The following ZBED3 variants were observed in gnomAD, a reference collection of about 807,000 sequenced individuals.
The protein encoded by ZBED3 is zinc finger BED domain-containing protein 3.
For missense variants in ZBED3, 388 were observed against 362.9 expected (o/e 1.07, Z -0.56); for synonymous variants, 175 against 180.0 (o/e 0.97, Z 0.22).
intron 1 of ZBED3, chr5:77,080,338 G>T: frequency 2.4e-6 from 1 of 414,986 alleles, no homozygotes; most frequent in South Asian, 1.8e-5. Flanking sequence ...TCTGTTAGGA[G>T]TTAAAGTGGG....
At chr5:77,084,859 A>G (rs1202911939) in intron 1 of ZBED3, among the ~76,000 whole-genome samples, 2 of 152,244 alleles carry the variant, frequency 1.3e-5, no homozygotes, top group African/African-American at 4.8e-5. Flanking sequence ...CGAGGCTTCC[A>G]AGCTCCTATT....
rs1742960643 is a variant in ZBED3 at position 77,075,637 on chromosome 5, ATC to A, written c.*1535_*1536del. 1 of 152,022 alleles carries A rather than the reference ATC, an allele frequency of 6.6e-6. No individual in the cohort carries two copies. 9.4% of individuals were successfully genotyped at this position (152,022 alleles called of 1,614,324 possible). A position where few individuals can be genotyped will look rare whatever the true frequency, so the allele number is the denominator to read the frequency against. The stretch of plus-strand genomic sequence containing the variant: ...TATTCAATCCAAGTGGAGAGTATGT[ATC>A]TGAGTATTCATTGTGCTAGCCTTTC... On this transcript the variant is annotated 3_prime_UTR_variant, in exon 3 of 3. Transcript: ENST00000255198.
chr5:77,074,354 G>A lies in ZBED3; in HGVS notation c.*2820C>T, dbSNP rs1164784182. On this transcript the variant is annotated 3_prime_UTR_variant, in exon 3 of 3. Coordinates refer to ENST00000255198, the MANE Select transcript of ZBED3 (RefSeq NM_032367.4). Reference sequence around the variant, plus strand: ...AGGGACAGTTGGGGGAGACAAGGATGGGAAGATGCATGATAAATGGGCCCT... The same window carrying A: ...AGGGACAGTTGGGGGAGACAAGGATAGGAAGATGCATGATAAATGGGCCCT... 1 of 152,336 alleles carries A rather than the reference G, an allele frequency of 6.6e-6. No individual in the cohort carries two copies. Among genetic ancestry groups the A allele is most frequent in the African/African-American group, 2.4e-5 (1 of 41,446 alleles). 9.4% of individuals were successfully genotyped at this position (152,336 alleles called of 1,614,324 possible). A position where few individuals can be genotyped will look rare whatever the true frequency, so the allele number is the denominator to read the frequency against.
rs1743061026 is a variant in ZBED3, at chr5:77,077,994, A to G, written c.-17-99T>C. ...AAACCATGCCGCCCTCCATTTTCTT[A>G]CCGATGAAAAGCCTATAGTGTGTGT... On this transcript the variant is annotated intron_variant, in intron 2 of 2. Transcript: ENST00000255198. 9.3e-6 allele frequency: 8 copies of G among 858,952 alleles called. 1 individual carries two copies. In the Admixed American group the frequency reaches 3.1e-4, roughly 33 times the overall value. The allele number at this position is 858,952 out of a possible 1,614,324, so 53.2% of individuals were successfully genotyped here.
Position 77,076,878 on chromosome 5 carries a change from C to T in ZBED3, c.*296G>A. On this transcript the variant is annotated 3_prime_UTR_variant, in exon 3 of 3. Coordinates refer to ENST00000255198, the MANE Select transcript of ZBED3 (RefSeq NM_032367.4). ...CACTGGGTGGTCTGGGTTCACGGGG[C>T]TCCTGGAGCTCTCGGGTGTCCCGTG... is the stretch of plus-strand genomic sequence containing the variant. The T allele has an allele frequency of 4.0e-6, 1 of 247,536 alleles. No individual in the cohort carries two copies. The highest frequency in any genetic ancestry group is 7.3e-5 in the East Asian group (1 of 13,680). The allele number at this position is 247,536 out of a possible 1,614,324, so 15.3% of individuals were successfully genotyped here.
intron 1 of ZBED3, among the ~76,000 whole-genome samples, chr5:77,081,797 C>CT (rs1320227173): frequency 6.6e-6 from 1 of 152,178 alleles, no homozygotes; most frequent in Non-Finnish European, 1.5e-5. Context: ...CCATCCAACT[C>CT]TCATTCAAAT....
chr5:77,083,909 G>C (rs115285437), intron 1 of ZBED3, among the ~76,000 whole-genome samples: 2,550 of 152,274 alleles, frequency 0.017, 65 homozygotes, highest in African/African-American at 0.057. Flanking sequence ...GTGATAACGC[G>C]TTTCTTCCTT....
chr5:77,075,966 T>C lies in ZBED3; in HGVS notation c.*1208A>G, dbSNP rs1235411802. ...ATACATATATATATATATATATATA[T>C]GTATATGTATATATGTATATATATA... is the stretch of plus-strand genomic sequence containing the variant. On this transcript the variant is annotated 3_prime_UTR_variant, in exon 3 of 3. Coordinates refer to ENST00000255198, the MANE Select transcript of ZBED3 (RefSeq NM_032367.4). 2 of 14,144 alleles carry C rather than the reference T, an allele frequency of 1.4e-4. No individual in the cohort carries two copies. Among genetic ancestry groups the C allele is most frequent in the African/African-American group, 3.1e-4 (1 of 3,228 alleles). 0.9% of individuals were successfully genotyped at this position (14,144 alleles called of 1,614,324 possible). A position where few individuals can be genotyped will look rare whatever the true frequency, so the allele number is the denominator to read the frequency against.
Position 77,077,712 on chromosome 5 carries a change from G to T in ZBED3, c.167C>A (p.Pro56Gln). ...GCCCGACGGATGCCCGGGGCGCCCC[G>T]GCGCCAGGTGGAAGTAGCCCCAGGC... ...SEAWGYFHLA[P>Q]GRPGHPSGHW... The change falls in exon 3 of 3, where the codon CCG (proline) becomes CAG (glutamine). Residue 56 changes from proline to glutamine, a missense_variant. Transcript: ENST00000255198. 2 of 1,348,116 alleles carry T rather than the reference G, an allele frequency of 1.5e-6. No individual in the cohort carries two copies. Among genetic ancestry groups the T allele is most frequent in the Non-Finnish European group, 1.9e-6 (2 of 1,055,142 alleles). The allele number at this position is 1,348,116 out of a possible 1,614,324, so 83.5% of individuals were successfully genotyped here.
Position 77,077,464 on chromosome 5 carries a change from G to C in ZBED3, c.415C>G (p.Leu139Val). The C allele has an allele frequency of 7.5e-6, 9 of 1,208,016 alleles. No homozygotes were observed. The highest frequency in any genetic ancestry group is 1.6e-5 in the African/African-American group (1 of 62,442). The allele number at this position is 1,208,016 out of a possible 1,614,324, so 74.8% of individuals were successfully genotyped here. ...WARLLEQMGALAVRGSRRERE... is the reference protein window; with the variant it reads ...WARLLEQMGAVAVRGSRRERE... ...TCCCGCCGGCTGCCGCGCACGGCCAGCGCGCCCATCTGTTCCAGCAGGCGC... is the reference window on the plus strand; with the variant it reads ...TCCCGCCGGCTGCCGCGCACGGCCACCGCGCCCATCTGTTCCAGCAGGCGC... Residue 139 changes from leucine to valine, a missense_variant, in exon 3 of 3, where the codon CTG (leucine) becomes GTG (valine). Coordinates refer to ENST00000255198, the MANE Select transcript of ZBED3 (RefSeq NM_032367.4).
rs1367509558 is a variant in ZBED3 at position 77,077,645 on chromosome 5, G to T, written c.234C>A (p.Arg78=). Residue 78 remains arginine, a synonymous_variant, in exon 3 of 3, where the codon CGC becomes CGA. Coordinates refer to ENST00000255198, the MANE Select transcript of ZBED3 (RefSeq NM_032367.4). The part of the protein sequence containing the change: ...TCRLCGEQVG[R]GPGFHAGTSA... ...AGGTCCCCGCGTGGAAGCCCGGGCC[G>T]CGGCCCACCTGCTCCCCGCACAGAC... 1 of 1,410,082 alleles carries T rather than the reference G, an allele frequency of 7.1e-7. No individual in the cohort carries two copies. The highest frequency in any genetic ancestry group is 1.5e-5 in the South Asian group (1 of 67,936). 87.3% of individuals were successfully genotyped at this position (1,410,082 alleles called of 1,614,324 possible).
chr5:77,078,539 A>G (rs1445311995), intron 2 of ZBED3, 55 bp downstream of exon 2: 1 of 152,274 alleles, frequency 6.6e-6, no homozygotes, highest in East Asian at 1.9e-4. Flanking sequence ...CAATGCTTTT[A>G]AGATATGCAC....
chr5:77,078,887 CT>C (rs1291604992), intron 1 of ZBED3, among the ~76,000 whole-genome samples, 159 bp from the exon 2 acceptor site: 1 of 152,176 alleles, frequency 6.6e-6, no homozygotes, highest in African/African-American at 2.4e-5. Flanking sequence ...AATTAGTTTT[CT>C]TTATTGTTTG....
Position 77,076,826 on chromosome 5 carries a change from C to G in ZBED3, c.*348G>C, listed in dbSNP as rs1183086915. 1 of 199,214 alleles carries G rather than the reference C, an allele frequency of 5.0e-6. No homozygotes were observed. Among genetic ancestry groups the G allele is most frequent in the African/African-American group, 2.3e-5 (1 of 43,038 alleles). The allele number at this position is 199,214 out of a possible 1,614,324, so 12.3% of individuals were successfully genotyped here. A position where few individuals can be genotyped will look rare whatever the true frequency, so the allele number is the denominator to read the frequency against. Reference sequence around the variant, plus strand: ...TCTATCCTTTCAAAGTCACCAGGTTCGGGTTCCCAGCCCTAAGTGGCCATG... The same window carrying G: ...TCTATCCTTTCAAAGTCACCAGGTTGGGGTTCCCAGCCCTAAGTGGCCATG... On this transcript the variant is annotated 3_prime_UTR_variant, in exon 3 of 3. Coordinates refer to ENST00000255198, the MANE Select transcript of ZBED3 (RefSeq NM_032367.4).
In ZBED3 at chr5:77,083,622, C is replaced by T. The variant is rs75004513; in HGVS notation, c.-153+3489G>A. Among the ~76,000 whole-genome samples the T allele has an allele frequency of 5.8e-3, 879 of 152,186 alleles. 6 individuals are homozygous for T. Among genetic ancestry groups the T allele is most frequent in the African/African-American group, 0.017 (693 of 41,510 alleles). On this transcript the variant is annotated intron_variant, in intron 1 of 2. Transcript: ENST00000255198. Reference sequence around the variant, plus strand: ...AAGACATGAACAATAAAGAAACTACCGATATTTACTGCTCAGACATGCCCA... The same window carrying T: ...AAGACATGAACAATAAAGAAACTACTGATATTTACTGCTCAGACATGCCCA...
chr5:77,082,978 A>C (rs556110805), intron 1 of ZBED3, among the ~76,000 whole-genome samples: 4 of 152,278 alleles, frequency 2.6e-5, no homozygotes, highest in Non-Finnish European at 5.9e-5. Context: ...TCTACTAAAA[A>C]TACAAAAAAT....
chr5:77,080,806 G>C (rs1454161845), intron 1 of ZBED3, among the ~76,000 whole-genome samples: 2 of 152,214 alleles, frequency 1.3e-5, no homozygotes, highest in Admixed American at 1.3e-4. Context: ...GCGTGGGAGG[G>C]ATAGCATTAG....
At position 77,077,511 on chromosome 5, in the gene ZBED3, G is replaced by A; in HGVS notation, c.368C>T (p.Ala123Val). 1.7e-6 allele frequency: 2 copies of A among 1,195,746 alleles called. No individual in the cohort carries two copies. The highest frequency in any genetic ancestry group is 2.1e-6 in the Non-Finnish European group (2 of 967,580). 74.1% of individuals were successfully genotyped at this position (1,195,746 alleles called of 1,614,324 possible). ...APCPPPPGPAAAPEGDWARLL... is the reference protein window; with the variant it reads ...APCPPPPGPAVAPEGDWARLL... ...GCGCGCCCAGTCGCCCTCGGGGGCC[G>A]CAGCGGGGCCGGGCGGCGGCGGGCA... The change falls in exon 3 of 3, where the codon GCG becomes GTG. Residue 123 changes from alanine (A) to valine (V), a missense_variant. Ala to Val is a moderately conservative substitution (Grantham distance 64). Transcript: ENST00000255198.
Position 77,074,570 on chromosome 5 carries a change from C to G in ZBED3, c.*2604G>C, listed in dbSNP as rs1222639132. ...CCTATGTCATAGGGTTGCTTTATGGCAGGTAATTATTCTTGTAAAGCATTT... is the reference window on the plus strand; with the variant it reads ...CCTATGTCATAGGGTTGCTTTATGGGAGGTAATTATTCTTGTAAAGCATTT... On this transcript the variant is annotated 3_prime_UTR_variant, in exon 3 of 3. Coordinates refer to ENST00000255198, the MANE Select transcript of ZBED3 (RefSeq NM_032367.4). 6.6e-6 allele frequency: 1 copy of G among 152,126 alleles called. No homozygotes were observed. Among genetic ancestry groups the G allele is most frequent in the South Asian group, 2.1e-4 (1 of 4,820 alleles). 9.4% of individuals were successfully genotyped at this position (152,126 alleles called of 1,614,324 possible).
Sources: gnomAD v4.1 joint callset for allele counts (sites outside exome capture counted in the v4.1 genomes callset) on GRCh38, gnomAD v4.1.1 for gene constraint, MANE v1.5 for transcripts, NCBI Gene and HGNC (gene_info 2026-07-23, HGNC 2026-07-21) for gene names.